Variants in STPG2 observed in about 807,000 individuals in gnomAD.
STPG2 encodes sperm-tail PG-rich repeat-containing protein 2.
STPG2 carries 56 observed loss-of-function variants against 54.2 expected under a neutral mutation model. The ratio of observed to expected loss-of-function variants is 1.03; its 90% CI spans 0.83 to 1.29. The LOEUF (loss-of-function observed/expected upper bound fraction) is 1.29, where lower values mean the gene tolerates loss of function less well. Ranked by LOEUF, STPG2 falls within the 50% of genes most tolerant of loss-of-function variation. The pLI is 0.00. For missense variants in STPG2, 596 were observed against 544.9 expected, an observed-to-expected ratio of 1.09 and a Z score of -0.93; for synonymous variants, 200 against 181.8, an observed-to-expected ratio of 1.10 and a Z score of -0.81.
intron 5 of STPG2, chr4:98,026,213 G>T (rs1478677229): frequency 8.6e-7 from 1 of 1,160,738 alleles, no homozygotes; most frequent in African/African-American, 1.5e-5. Context: ...AGATCGGGTA[G>T]CTCAAAAGAA....
intron 10 of STPG2, among the ~76,000 whole-genome samples, chr4:97,599,130 C>A (rs571408125): frequency 6.6e-6 from 1 of 152,160 alleles, no homozygotes; most frequent in East Asian, 1.9e-4. Flanking sequence ...GACATATTTG[C>A]GGCCAGCAAG....
At chr4:97,734,612 T>A (rs1294820580) in intron 9 of STPG2, among the ~76,000 whole-genome samples, 1 of 152,216 alleles carries the variant, frequency 6.6e-6, no homozygotes, top group East Asian at 1.9e-4. Context: ...GATAAGTTTG[T>A]GTTTATTGAA....
At chr4:98,119,945 G>T (rs910466131) in intron 3 of STPG2, among the ~76,000 whole-genome samples, 1 of 152,024 alleles carries the variant, frequency 6.6e-6, no homozygotes, top group Non-Finnish European at 1.5e-5. Flanking sequence ...CCTTTTTATG[G>T]CTGTATAGTA....
At chr4:97,741,114 A>T (rs779852801) in intron 9 of STPG2, among the ~76,000 whole-genome samples, 1 of 152,220 alleles carries the variant, frequency 6.6e-6, no homozygotes, top group South Asian at 2.1e-4. Flanking sequence ...CAATAGGGAA[A>T]GGATTCCCTA....
intron 5 of STPG2, among the ~76,000 whole-genome samples, chr4:97,994,195 T>C (rs1226007842): frequency 6.6e-6 from 1 of 152,214 alleles, no homozygotes; most frequent in African/African-American, 2.4e-5. Flanking sequence ...AAAGAATTTT[T>C]TAATTTCCAA....
At position 97,726,025 on chromosome 4, in the gene STPG2, G is replaced by C. The variant is rs140257494; in HGVS notation, c.1205-13211C>G. ...GAAAAAAAAGTAAGATCAAAAGGAA[G>C]ATATCTTGAAATATAAAGTCCTGCC... On this transcript the variant is annotated intron_variant, in intron 9 of 10. Transcript: ENST00000295268. Among the ~76,000 whole-genome samples the C allele has an allele frequency of 1.2e-4, 18 of 151,936 alleles. No homozygotes were observed. In the East Asian group the frequency reaches 3.5e-3, roughly 29 times the overall value.
intron 5 of STPG2, among the ~76,000 whole-genome samples, chr4:98,066,980 T>C (rs1737854545): frequency 6.6e-6 from 1 of 152,186 alleles, no homozygotes; most frequent in African/African-American, 2.4e-5. Context: ...CATTTATGGA[T>C]GTCAAAAGAC....
chr4:97,754,894 G>A (rs1468016161), intron 9 of STPG2, among the ~76,000 whole-genome samples: 2 of 152,076 alleles, frequency 1.3e-5, no homozygotes, highest in African/African-American at 4.8e-5. Flanking sequence ...GGAAATCATT[G>A]AGGCCATCCT....
intron 9 of STPG2, among the ~76,000 whole-genome samples, chr4:97,819,516 A>G (rs767276551): frequency 3.9e-5 from 6 of 152,072 alleles, no homozygotes; most frequent in Non-Finnish European, 8.8e-5. Context: ...GTAATGATCT[A>G]CTCATTACTG....
At chr4:97,530,076 G>A (rs1045217599) in intron 4 of STPG2, among the ~76,000 whole-genome samples, 4 of 151,948 alleles carry the variant, frequency 2.6e-5, no homozygotes, top group Non-Finnish European at 2.9e-5. Flanking sequence ...ATAGTATAAC[G>A]TATTGTACAA....
chr4:97,551,295 T>C (rs1398772526), intron 4 of STPG2, among the ~76,000 whole-genome samples: 1 of 152,020 alleles, frequency 6.6e-6, no homozygotes, highest in Non-Finnish European at 1.5e-5. Flanking sequence ...ATAGAGTATC[T>C]CATGATTTCT....
At chr4:97,860,217 T>C (rs1729473543) in intron 8 of STPG2, among the ~76,000 whole-genome samples, 1 of 152,176 alleles carries the variant, frequency 6.6e-6, no homozygotes, top group African/African-American at 2.4e-5. Context: ...CAGGCTCTTT[T>C]TTTGTTCCAT....
At chr4:97,738,857 T>C (rs996279178) in intron 9 of STPG2, among the ~76,000 whole-genome samples, 6 of 152,172 alleles carry the variant, frequency 3.9e-5, no homozygotes, top group African/African-American at 7.2e-5. Flanking sequence ...CTGCACCAAG[T>C]GGACCTAATA....
chr4:97,879,012 C>A (rs1730276153), intron 8 of STPG2, among the ~76,000 whole-genome samples: 1 of 152,170 alleles, frequency 6.6e-6, no homozygotes, highest in African/African-American at 2.4e-5. Flanking sequence ...TTCCATAAAT[C>A]TCTAGGCATG....
intron 10 of STPG2, among the ~76,000 whole-genome samples, chr4:97,646,895 A>G (rs1363128937): frequency 6.6e-6 from 1 of 152,116 alleles, no homozygotes; most frequent in East Asian, 1.9e-4. Flanking sequence ...TTAAATTTCT[A>G]CCATTAAATT....
At chr4:98,021,917 A>C (rs187818234) in intron 5 of STPG2, among the ~76,000 whole-genome samples, 2 of 151,884 alleles carry the variant, frequency 1.3e-5, no homozygotes, top group Non-Finnish European at 2.9e-5. Context: ...GTGTCTCTGC[A>C]CCTGAGATGG....
rs554285895 is a variant in STPG2, at chr4:97,756,903, T to G, written c.1205-44089A>C. ...TCATCACTTTGACTCCCTCTTTTGT[T>G]ATCTTATTCTCTTTTGGTAGATGCA... On this transcript the variant is annotated intron_variant, in intron 9 of 10. Transcript: ENST00000295268. 2.6e-5 allele frequency among the ~76,000 whole-genome samples: 4 copies of G among 152,314 alleles called. No homozygotes were observed. In the East Asian group the frequency reaches 7.7e-4, roughly 29 times the overall value.
chr4:97,839,478 A>G (rs1407981336), intron 9 of STPG2, among the ~76,000 whole-genome samples: 1 of 151,636 alleles, frequency 6.6e-6, no homozygotes, highest in Admixed American at 6.6e-5. Flanking sequence ...AATTTACTTC[A>G]TAAGACCCTG....
At chr4:98,047,499 A>G (rs1206793779) in intron 5 of STPG2, among the ~76,000 whole-genome samples, 1 of 152,154 alleles carries the variant, frequency 6.6e-6, no homozygotes, top group East Asian at 1.9e-4. Flanking sequence ...TTCACTCTGC[A>G]TTAAATTCAT....
Sources: allele counts gnomAD v4.1 joint callset (sites outside exome capture counted in the v4.1 genomes callset), GRCh38; gene constraint gnomAD v4.1.1; transcripts MANE v1.5; gene names NCBI Gene and HGNC (gene_info 2026-07-23, HGNC 2026-07-21).